USP33: variants seen among roughly 807,000 people sequenced by gnomAD.
USP33 encodes the protein ubiquitin specific peptidase 33.
A neutral mutation model predicts 124.2 loss-of-function variants in USP33; 46 were observed. That is an observed-to-expected ratio of 0.37 (90% CI 0.29 to 0.47). The LOEUF is 0.47. Ranked by LOEUF, USP33 falls within the 20% of genes least tolerant of loss-of-function variation. The pLI, the probability that USP33 is intolerant of heterozygous loss-of-function variation, is 0.99. For missense variants in USP33, 851 were observed against 1,070.6 expected, an observed-to-expected ratio of 0.79 and a Z score of 2.86; for synonymous variants, 350 against 352.3, an observed-to-expected ratio of 0.99 and a Z score of 0.07.
intron 5 of USP33, 123 bp downstream of exon 5, chr1:77,739,142 A>G (rs1678827993): frequency 8.6e-7 from 1 of 1,165,060 alleles, no homozygotes. Flanking sequence ...AAAAAGGCAC[A>G]TTACAGAAAT....
intron 1 of USP33, among the ~76,000 whole-genome samples, chr1:77,750,120 C>T (rs898997524): frequency 6.6e-6 from 1 of 152,128 alleles, no homozygotes; most frequent in Non-Finnish European, 1.5e-5. Context: ...GAGTCTGAGA[C>T]CAGCCTGGCC....
chr1:77,699,192 C>T (rs1485377130), intron 22 of USP33, among the ~76,000 whole-genome samples: 7 of 152,106 alleles, frequency 4.6e-5, no homozygotes, highest in Admixed American at 4.6e-4. Context: ...CAATGAGATA[C>T]CATGTCACAT....
At chr1:77,751,042 T>C (rs906723341) in intron 1 of USP33, among the ~76,000 whole-genome samples, 2 of 152,206 alleles carry the variant, frequency 1.3e-5, no homozygotes, top group African/African-American at 2.4e-5. Context: ...AGAAAATGGT[T>C]GTATATGGAA....
At chr1:77,723,222 T>C (rs886909589) in intron 12 of USP33, 109 bp downstream of exon 12, 7 of 831,648 alleles carry the variant, frequency 8.4e-6, no homozygotes, top group Admixed American at 4.9e-5. Flanking sequence ...AATGCATGTA[T>C]GCTCATCAAT....
chr1:77,739,212 G>C, intron 5 of USP33, 53 bp downstream of exon 5: 1 of 1,552,530 alleles, frequency 6.4e-7, no homozygotes. Flanking sequence ...GACAAATTCT[G>C]AAATTATTAC....
At chr1:77,703,191 A>G (rs1346682897) in intron 21 of USP33, among the ~76,000 whole-genome samples, 2 of 152,156 alleles carry the variant, frequency 1.3e-5, no homozygotes, top group African/African-American at 4.8e-5. Context: ...TGCCAGAACC[A>G]AACAAATACA....
intron 10 of USP33, among the ~76,000 whole-genome samples, chr1:77,726,872 G>A (rs957100640): frequency 1.3e-5 from 2 of 152,002 alleles, no homozygotes; most frequent in Non-Finnish European, 2.9e-5. Flanking sequence ...GAAAATATAA[G>A]AGCTACCTTG....
intron 6 of USP33, among the ~76,000 whole-genome samples, chr1:77,735,196 G>A (rs1678297749): frequency 6.6e-6 from 1 of 151,962 alleles, no homozygotes; most frequent in Admixed American, 6.6e-5. Flanking sequence ...CTACAAAAAT[G>A]GCAATTTCAT....
At chr1:77,698,589 C>A (rs974184541) in intron 22 of USP33, among the ~76,000 whole-genome samples, 1 of 150,790 alleles carries the variant, frequency 6.6e-6, no homozygotes, top group Non-Finnish European at 1.5e-5. Flanking sequence ...CAAGCTCCGC[C>A]TCCCAGGTTC....
intron 21 of USP33, among the ~76,000 whole-genome samples, chr1:77,708,128 T>C (rs1355214622): frequency 6.6e-6 from 1 of 152,212 alleles, no homozygotes; most frequent in East Asian, 1.9e-4. Flanking sequence ...TGCATATGGG[T>C]GCTGAGTTGA....
At chr1:77,718,710 A>C (rs1163159347) in intron 15 of USP33, 69 bp from the exon 16 acceptor site, 9 of 1,261,110 alleles carry the variant, frequency 7.1e-6, no homozygotes, top group Non-Finnish European at 1.0e-5. Context: ...TGCAACAAAA[A>C]TCTTTTAGAA....
chr1:77,720,638 T>G, intron 15 of USP33: 1 of 984,562 alleles, frequency 1.0e-6, no homozygotes. Context: ...TCACAAATAG[T>G]TGCTTTTCAC....
chr1:77,739,725 A>C (rs1678899592), intron 4 of USP33, among the ~76,000 whole-genome samples: 1 of 152,256 alleles, frequency 6.6e-6, no homozygotes, highest in Non-Finnish European at 1.5e-5. Context: ...CAAGAAAATA[A>C]TTAACAATAG....
rs1162409022 is a variant in USP33, at chr1:77,715,833, T to G, written c.1954A>C (p.Asn652His). The G allele has an allele frequency of 6.2e-7, 1 of 1,613,960 alleles. No homozygotes were observed. The highest frequency in any genetic ancestry group is 2.2e-5 in the East Asian group (1 of 44,848). The change falls in exon 18 of 24, where the codon AAT becomes CAT. Residue 652 changes from asparagine (N) to histidine (H), a missense_variant. Asn to His is a moderately conservative substitution (Grantham distance 68). This residue lies in a region of USP33 where 281 missense variants were observed against 425.0 expected (regional missense o/e 0.66). Coordinates refer to ENST00000370794, the MANE Select transcript of USP33 (RefSeq NM_201624.3). ...HYIAYCRNNLNNLWYEFDDQS... is the reference protein window; with the variant it reads ...HYIAYCRNNLHNLWYEFDDQS... ...TCATCAAATTCATACCAGAGATTAT[T>G]TAGATTGTTTCGGCAGTAGGCTATA...
chr1:77,739,786 A>G (rs905620767), intron 4 of USP33, among the ~76,000 whole-genome samples: 1 of 152,268 alleles, frequency 6.6e-6, no homozygotes, highest in Non-Finnish European at 1.5e-5. Context: ...AAATGACATG[A>G]GTCAAGGCAT....
chr1:77,722,334 G>A (rs1313063372), intron 12 of USP33, 138 bp from the exon 13 acceptor site: 27 of 767,512 alleles, frequency 3.5e-5, no homozygotes, highest in South Asian at 6.7e-5. Flanking sequence ...CACGCAAATT[G>A]AACTGCTTTC....
chr1:77,716,781 G>A (rs1429408892), intron 17 of USP33, among the ~76,000 whole-genome samples: 3 of 151,996 alleles, frequency 2.0e-5, no homozygotes, highest in African/African-American at 7.3e-5. Context: ...AAGGGTTTGT[G>A]TATATTTTCT....
chr1:77,739,895 T>C (rs1370110540), intron 4 of USP33, among the ~76,000 whole-genome samples: 1 of 152,164 alleles, frequency 6.6e-6, no homozygotes, highest in Non-Finnish European at 1.5e-5. Context: ...CTACAAAAAA[T>C]GATCTGAGTG....
intron 14 of USP33, chr1:77,721,410 A>G: frequency 3.4e-6 from 2 of 593,398 alleles, no homozygotes; most frequent in South Asian, 4.4e-5. Context: ...ACCTCAAATA[A>G]TATCTTTTCC....
Sources: allele counts gnomAD v4.1 joint callset (sites outside exome capture counted in the v4.1 genomes callset), GRCh38; gene constraint gnomAD v4.1.1; regional missense constraint gnomAD v4.1.1; transcripts MANE v1.5; gene names NCBI Gene and HGNC (gene_info 2026-07-23, HGNC 2026-07-21).